The following COL6A2 variants were observed in gnomAD, a reference collection of about 807,000 sequenced individuals.
The protein encoded by COL6A2 is collagen alpha-2(VI) chain.
A neutral mutation model predicts 124.9 loss-of-function variants in COL6A2; 90 were observed. The observed-to-expected ratio is 0.72, with a 90% confidence interval of 0.61 to 0.86. COL6A2 has a LOEUF of 0.86. Ranked by LOEUF, COL6A2 falls within the 40% of genes least tolerant of loss-of-function variation. COL6A2 has a pLI of 0.00. For synonymous variants in COL6A2, 793 were observed against 618.2 expected, an observed-to-expected ratio of 1.28 and a Z score of -4.19; for missense variants, 1,607 against 1,502.5, an observed-to-expected ratio of 1.07 and a Z score of -1.15.
rs1487977724 is a variant in COL6A2, at chr21:46,125,296, A to G, written c.1801A>G (p.Thr601Ala). 2 of 1,611,242 alleles carry G rather than the reference A, an allele frequency of 1.2e-6. No individual in the cohort carries two copies. The highest frequency in any genetic ancestry group is 2.7e-5 in the African/African-American group (2 of 74,798). Residue 601 changes from threonine to alanine, a missense_variant, in exon 24 of 28, where the codon ACC becomes GCC. Thr to Ala is a moderately conservative substitution (Grantham distance 58, BLOSUM62 0). Coordinates refer to ENST00000300527, the MANE Select transcript of COL6A2 (RefSeq NM_001849.4). ...ECDVMTYVRE[T>A]CGCCDCEKRC... is the part of the protein sequence containing the mutation. The stretch of plus-strand genomic sequence containing the variant: ...TGACGTCATGACCTACGTGAGGGAG[A>G]CCTGCGGGTGCTGCGGTGAGGCACT...
At position 46,132,744 on chromosome 21, in the gene COL6A2, G is replaced by T; in HGVS notation, c.*192G>T. On this transcript the variant is annotated 3_prime_UTR_variant, in exon 28 of 28. Coordinates refer to ENST00000300527, the MANE Select transcript of COL6A2 (RefSeq NM_001849.4). ...AGCCCCAGGTCTCCCCAGGCCCTCC[G>T]CAGGCTGCCCGGCCTCCCTCCCCCT... The T allele has an allele frequency of 1.6e-6, 1 of 609,736 alleles. No individual in the cohort carries two copies. Among genetic ancestry groups the T allele is most frequent in the East Asian group, 2.9e-5 (1 of 34,988 alleles). The allele number at this position is 609,736 out of a possible 1,614,324, so 37.8% of individuals were successfully genotyped here. A position where few individuals can be genotyped will look rare whatever the true frequency, so the allele number is the denominator to read the frequency against.
chr21:46,101,527 G>A (rs1328441227), intron 1 of COL6A2, among the ~76,000 whole-genome samples: 1 of 152,140 alleles, frequency 6.6e-6, no homozygotes, highest in Non-Finnish European at 1.5e-5. Context: ...GGGTTTTAAA[G>A]TTTTAGGTCT....
rs200442233 is a variant in COL6A2, at chr21:46,121,650, G to A, written c.1521+32G>A. 9.9e-5 allele frequency: 160 copies of A among 1,609,542 alleles called. No homozygotes were observed. In the African/African-American group the frequency reaches 2.0e-3, roughly 20 times the overall value. On this transcript the variant is annotated intron_variant, in intron 18 of 27. Coordinates refer to ENST00000300527, the MANE Select transcript of COL6A2 (RefSeq NM_001849.4). The stretch of plus-strand genomic sequence containing the variant: ...GCCCCTCCCCCAGCAGGACGTATTA[G>A]GGGTTCGGGGCAGCTGCCTGAGGAG...
At chr21:46,122,736 C>G (rs1269086278) in intron 20 of COL6A2, 139 bp from the exon 21 acceptor site, 1 of 887,772 alleles carries the variant, frequency 1.1e-6, no homozygotes, top group African/African-American at 4.6e-5. Flanking sequence ...AAAGTTCAGG[C>G]TTTGCAAAAA....
chr21:46,115,433 C>T (rs2078456493), intron 5 of COL6A2, among the ~76,000 whole-genome samples: 1 of 152,056 alleles, frequency 6.6e-6, no homozygotes, highest in African/African-American at 2.4e-5. Flanking sequence ...ATTTTAATTC[C>T]AAGAGAGTGT....
At position 46,121,952 on chromosome 21, in the gene COL6A2, C is replaced by T. The variant is rs1224855119; in HGVS notation, c.1522-156C>T. ...CAGCCCCCACTGGAGGTGGACAGGG[C>T]GAGGTTGGCCCTGCCAGGCCTCTGC... On this transcript the variant is annotated intron_variant, in intron 18 of 27. Coordinates refer to ENST00000300527, the MANE Select transcript of COL6A2 (RefSeq NM_001849.4). Among the ~76,000 whole-genome samples the T allele has an allele frequency of 4.6e-5, 7 of 152,234 alleles. No homozygotes were observed. The South Asian group carries it at 1.0e-3, about 23-fold the overall frequency.
intron 21 of COL6A2, among the ~76,000 whole-genome samples, chr21:46,123,982 GGGATGGGTAGGTGGGTGGAT>G (rs1266062932): frequency 1.4e-5 from 2 of 140,946 alleles, no homozygotes; most frequent in African/African-American, 2.7e-5. Flanking sequence ...AGTGAGTGGG[GGGATGGGTAGGTGGGTGGAT>G]GGATGGTTAG....
Position 46,098,190 on chromosome 21 carries a change from C to T in COL6A2, c.-28+17C>T, listed in dbSNP as rs1055866249. 1.3e-5 allele frequency: 2 copies of T among 152,116 alleles called. No homozygotes were observed. The highest frequency in any genetic ancestry group is 4.8e-5 in the African/African-American group (2 of 41,424). The allele number at this position is 152,116 out of a possible 1,614,324, so 9.4% of individuals were successfully genotyped here. On this transcript the variant is annotated intron_variant, in intron 1 of 27. Transcript: ENST00000300527. ...CGGGACCAGGTGAGCGCCTCCCGGACCCCGCACCCTGGAAGCCGCTCGGCC... is the reference window on the plus strand; with the variant it reads ...CGGGACCAGGTGAGCGCCTCCCGGATCCCGCACCCTGGAAGCCGCTCGGCC...
intron 17 of COL6A2, 61 bp from the exon 18 acceptor site, chr21:46,121,495 G>C: frequency 6.5e-7 from 1 of 1,532,916 alleles, no homozygotes; most frequent in South Asian, 1.1e-5. Context: ...CATGTCAGGT[G>C]ACCCCTGGGC....
intron 27 of COL6A2, among the ~76,000 whole-genome samples, chr21:46,128,410 A>G (rs779025904): frequency 6.6e-6 from 1 of 152,238 alleles, no homozygotes; most frequent in Non-Finnish European, 1.5e-5. Flanking sequence ...GACAGTGTTA[A>G]ATCGGCTTTC....
At chr21:46,127,875 G>A (rs1289408845) in intron 27 of COL6A2, among the ~76,000 whole-genome samples, 4 of 152,188 alleles carry the variant, frequency 2.6e-5, no homozygotes, top group Admixed American at 6.5e-5. Flanking sequence ...TTGGGAGTTA[G>A]TTAGCCCGTT....
At chr21:46,121,405 C>T (rs769471896) in intron 17 of COL6A2, 151 bp from the exon 18 acceptor site, 3 of 824,984 alleles carry the variant, frequency 3.6e-6, no homozygotes, top group Non-Finnish European at 6.2e-6. Context: ...AGCTGGGACC[C>T]TCAAGACAGA....
Position 46,117,469 on chromosome 21 carries a change from A to C in COL6A2, c.1053+16A>C, listed in dbSNP as rs1318389138. 3.1e-6 allele frequency: 5 copies of C among 1,612,100 alleles called. No individual in the cohort carries two copies. The African/African-American group carries it at 6.7e-5, about 22-fold the overall frequency. On this transcript the variant is annotated intron_variant, in intron 11 of 27. Coordinates refer to ENST00000300527, the MANE Select transcript of COL6A2 (RefSeq NM_001849.4). ...TGGAAACCGGGTAAGGGCCGTTTGC[A>C]CCCCTCCTTCAGCCTCGGCCCAGGG...
intron 27 of COL6A2, chr21:46,129,672 T>G: frequency 4.2e-6 from 6 of 1,420,672 alleles, no homozygotes; most frequent in Middle Eastern, 2.6e-4. Context: ...GGCCACCGTG[T>G]CCCTTGCTGC....
chr21:46,126,539 C>T lies in COL6A2; in HGVS notation c.2459C>T (p.Thr820Ile). Residue 820 changes from threonine (T) to isoleucine (I), a missense_variant and splice_region_variant, in exon 27 of 28, where the codon ACA becomes ATA. Physicochemically the swap from Thr to Ile is moderately conservative, Grantham distance 89. This residue lies in a region of COL6A2 where 1,223 missense variants were observed against 1,052.2 expected (regional missense o/e 1.16). Transcript: ENST00000300527. ...QIVCPDLPCQ[T>I]ELSVAQCTQR... is the part of the protein sequence containing the mutation. ...GTGTGCCCAGACCTTCCCTGCCAAA[C>T]AGGTAATGCAGGGCACCCTGAGCCA... The T allele has an allele frequency of 1.2e-6, 2 of 1,613,516 alleles. No homozygotes were observed. Among genetic ancestry groups the T allele is most frequent in the South Asian group, 1.1e-5 (1 of 91,088 alleles).
intron 3 of COL6A2, 30 bp downstream of exon 3, chr21:46,112,607 C>G: frequency 6.2e-7 from 1 of 1,608,976 alleles, no homozygotes; most frequent in Non-Finnish European, 8.5e-7. Context: ...ACCGTCCACG[C>G]GCCAGGGGTG....
intron 27 of COL6A2, among the ~76,000 whole-genome samples, chr21:46,128,406 G>A (rs1013107305): frequency 6.6e-6 from 1 of 152,248 alleles, no homozygotes; most frequent in African/African-American, 2.4e-5. Context: ...CAGGGACAGT[G>A]TTAAATCGGC....
rs753877868 is a variant in COL6A2, at chr21:46,124,666, C to G, written c.1687C>G (p.Pro563Ala). ...TCCTTCTCAGGCGGATCCTGGTCCC[C>G]CTGGTGAGCCAGGCCCTCGGGGGCC... Reference protein sequence around the residue: ...EKGEPADPGPPGEPGPRGPRG... With the variant: ...EKGEPADPGPAGEPGPRGPRG... Residue 563 changes from proline (P) to alanine (A), a missense_variant, in exon 22 of 28, where the codon CCT (proline) becomes GCT (alanine). By Grantham distance (27) the Pro-to-Ala change is conservative (BLOSUM62 -1). Coordinates refer to ENST00000300527, the MANE Select transcript of COL6A2 (RefSeq NM_001849.4). 1 of 1,612,946 alleles carries G rather than the reference C, an allele frequency of 6.2e-7. No individual in the cohort carries two copies. The highest frequency in any genetic ancestry group is 2.2e-5 in the East Asian group (1 of 44,864).
In COL6A2 at chr21:46,132,307, C is replaced by G; in HGVS notation, c.2815C>G (p.His939Asp). 6.2e-7 allele frequency: 1 copy of G among 1,606,544 alleles called. No homozygotes were observed. Residue 939 changes from histidine (H) to aspartate (D), a missense_variant, in exon 28 of 28, where the codon CAC (histidine) becomes GAC (aspartate). His to Asp is a moderately conservative substitution (Grantham distance 81). Transcript: ENST00000300527. ...VRSPRGGARR[H>D]AELSFVFLTD... Reference sequence around the variant, plus strand: ...CAGCCCGCGTGGCGGGGCCCGGAGGCACGCAGAGCTGTCCTTCGTGTTCCT... The same window carrying G: ...CAGCCCGCGTGGCGGGGCCCGGAGGGACGCAGAGCTGTCCTTCGTGTTCCT...
Sources: gnomAD v4.1 joint callset for allele counts (sites outside exome capture counted in the v4.1 genomes callset) on GRCh38, gnomAD v4.1.1 for gene constraint, gnomAD v4.1.1 regional missense constraint, MANE v1.5 for transcripts, NCBI Gene and HGNC (gene_info 2026-07-23, HGNC 2026-07-21) for gene names.